The following ZNF335 variants were observed in gnomAD, a reference collection of about 807,000 sequenced individuals.
ZNF335 encodes the protein NRC-interacting factor 1.
ZNF335 carries 84 observed loss-of-function variants against 145.6 expected under a neutral mutation model. The observed-to-expected ratio is 0.58, with a 90% CI of 0.48 to 0.69. The LOEUF is 0.69. ZNF335 is among the 30% of genes least tolerant of loss of function. ZNF335 has a pLI of 0.00. For synonymous variants in ZNF335, 761 were observed against 717.0 expected (o/e 1.06, Z -0.98); for missense variants, 1,865 against 1,809.7 (o/e 1.03, Z -0.55).
At chr20:45,971,603 C>G (rs1182560520) in intron 1 of ZNF335, 143 bp from the exon 2 acceptor site, 6 of 1,435,550 alleles carry the variant, frequency 4.2e-6, no homozygotes, top group Non-Finnish European at 5.5e-6. Flanking sequence ...TGGTGTATTG[C>G]GAGGGGAGCT....
intron 16 of ZNF335, 63 bp downstream of exon 16, chr20:45,957,772 C>A: frequency 2.5e-6 from 4 of 1,604,668 alleles, no homozygotes; most frequent in Non-Finnish European, 2.6e-6. Context: ...ACCAGCACGA[C>A]CTGCCCCTGC....
chr20:45,949,137 C>T (rs748691846), intron 27 of ZNF335, 33 bp downstream of exon 27: 3 of 1,613,474 alleles, frequency 1.9e-6, no homozygotes, highest in Non-Finnish European at 1.7e-6. Context: ...GGTCCATACC[C>T]AGCCCCATGC....
rs1213888268 is a variant in ZNF335 at position 45,963,767 on chromosome 20, G to A, written c.1326C>T (p.Ser442=). ...GGTATTTCTTGCCTAGGAAGCGCCT[G>A]GAAGGTCGACCTCGGCGCCGGGGCA... ...DTLPRRRGRP[S]RRFLGKKYRK... The change falls in exon 8 of 28, where the codon TCC becomes TCT. Residue 442 remains serine, a synonymous_variant. Coordinates refer to ENST00000322927, the MANE Select transcript of ZNF335 (RefSeq NM_022095.4). 1 of 1,614,046 alleles carries A rather than the reference G, an allele frequency of 6.2e-7. No homozygotes were observed. The highest frequency in any genetic ancestry group is 8.5e-7 in the Non-Finnish European group (1 of 1,180,014).
At chr20:45,968,622 G>C (rs2084004176) in intron 3 of ZNF335, 1 of 428,944 alleles carries the variant, frequency 2.3e-6, no homozygotes, top group Admixed American at 3.5e-5. Context: ...CAGCTGCCCA[G>C]GCTTTGACCA....
In ZNF335 at chr20:45,969,659, G is replaced by T. The variant is rs139506216; in HGVS notation, c.234C>A (p.Asp78Glu). The change falls in exon 3 of 28, where the codon GAC becomes GAA. Residue 78 changes from aspartate (D) to glutamate (E), a missense_variant. By Grantham distance (45) the Asp-to-Glu change is conservative. Transcript: ENST00000322927. The part of the protein sequence containing the change: ...EEVSESSSSA[D>E]PLPNSYLPDS... Reference sequence around the variant, plus strand: ...CAGGGAGGTAGCTATTAGGCAGGGGGTCTGCGCTCGAGCTGCTCTCAGATA... The same window carrying T: ...CAGGGAGGTAGCTATTAGGCAGGGGTTCTGCGCTCGAGCTGCTCTCAGATA... 2.0e-4 allele frequency: 326 copies of T among 1,612,128 alleles called. 3 individuals are homozygous for T. The East Asian group carries it at 4.9e-3, about 24-fold the overall frequency.
At chr20:45,951,277 CA>C (rs2083626747) in intron 20 of ZNF335, among the ~76,000 whole-genome samples, 1 of 152,230 alleles carries the variant, frequency 6.6e-6, no homozygotes, top group Non-Finnish European at 1.5e-5. Flanking sequence ...CTTCCCTCTC[CA>C]ACCTCTGGAG....
rs1405864968 is a variant in ZNF335 at position 45,960,195 on chromosome 20, T to C, written c.2020+13A>G. 1 of 1,613,478 alleles carries C rather than the reference T, an allele frequency of 6.2e-7. No homozygotes were observed. Among genetic ancestry groups the C allele is most frequent in the African/African-American group, 1.3e-5 (1 of 74,914 alleles). On this transcript the variant is annotated intron_variant, in intron 14 of 27. Transcript: ENST00000322927. ...AGGGCTGGTGAGTGGGGCTGGGGTG[T>C]GTCCAGCCTGACCTGTGTGCTTGAC...
chr20:45,955,548 G>C (rs1241777360), intron 17 of ZNF335, among the ~76,000 whole-genome samples: 1 of 151,944 alleles, frequency 6.6e-6, no homozygotes, highest in African/African-American at 2.4e-5. Context: ...GCTGGGTACG[G>C]TGGCTCACAC....
chr20:45,952,876 T>C (rs2083660573), intron 18 of ZNF335, among the ~76,000 whole-genome samples, 167 bp from the exon 19 acceptor site: 1 of 152,186 alleles, frequency 6.6e-6, no homozygotes, highest in African/African-American at 2.4e-5. Context: ...CCCTCTACCA[T>C]GTCTCTTGTA....
Position 45,953,683 on chromosome 20 carries a change from T to G in ZNF335, c.2702+6A>C. 6.2e-7 allele frequency: 1 copy of G among 1,613,358 alleles called. No homozygotes were observed. The highest frequency in any genetic ancestry group is 8.5e-7 in the Non-Finnish European group (1 of 1,179,500). On this transcript the variant is annotated splice_donor_region_variant and intron_variant, in intron 18 of 27. Coordinates refer to ENST00000322927, the MANE Select transcript of ZNF335 (RefSeq NM_022095.4). The stretch of plus-strand genomic sequence containing the variant: ...TGAAAGGGGCCTTGCAGGCAGCAGG[T>G]CTCACCTGTAAGGTGTGCCAGGAGC...
chr20:45,968,982 T>A (rs1274382513), intron 3 of ZNF335: 1 of 155,870 alleles, frequency 6.4e-6, no homozygotes, highest in African/African-American at 2.4e-5. Context: ...TGCACTATGA[T>A]TGCACCACTG....
chr20:45,950,655 C>T (rs995888548), intron 20 of ZNF335, 60 bp from the exon 21 acceptor site: 75 of 1,591,124 alleles, frequency 4.7e-5, no homozygotes, highest in Admixed American at 6.8e-5. Flanking sequence ...AACAAATCCC[C>T]GGATCCCTGC....
intron 6 of ZNF335, 46 bp from the exon 7 acceptor site, chr20:45,965,820 C>A (rs369299750): frequency 3.2e-6 from 5 of 1,564,852 alleles, no homozygotes; most frequent in Non-Finnish European, 3.5e-6. Context: ...GCGGGACCTG[C>A]CCTTTCAGCC....
rs986986885 is a variant in ZNF335 at position 45,971,375 on chromosome 20, C to T, written c.36G>A (p.Ala12=). ...CCTCGGGCCGGCCAGGCCCAGGGGC[C>T]GCGTCGCTGCTGCTCTCCACCTCGT... ...EENEVESSSD[A]APGPGRPEEP... The change falls in exon 2 of 28, where the codon GCG becomes GCA. Residue 12 remains alanine (A), a synonymous_variant. Coordinates refer to ENST00000322927, the MANE Select transcript of ZNF335 (RefSeq NM_022095.4). 6.2e-7 allele frequency: 1 copy of T among 1,600,588 alleles called. No individual in the cohort carries two copies. The highest frequency in any genetic ancestry group is 8.5e-7 in the Non-Finnish European group (1 of 1,179,722).
Position 45,963,628 on chromosome 20 carries a change from G to A in ZNF335, c.1378C>T (p.Pro460Ser), listed in dbSNP as rs144850766. 5 of 1,614,114 alleles carry A rather than the reference G, an allele frequency of 3.1e-6. No individual in the cohort carries two copies. The highest frequency in any genetic ancestry group is 4.2e-6 in the Non-Finnish European group (5 of 1,180,050). Residue 460 changes from proline to serine, a missense_variant, in exon 9 of 28, where the codon CCA becomes TCA. Physicochemically the swap from Pro to Ser is moderately conservative, Grantham distance 74. Transcript: ENST00000322927. ...CGGCACAGGAAGGGCCTCAAAAGTG[G>A]TTTGGGCGACTTGTAATAGTACCTG... ...YRKYYYKSPK[P>S]LLRPFLCRIC...
chr20:45,971,727 G>A (rs1600556640), intron 1 of ZNF335: 6 of 985,354 alleles, frequency 6.1e-6, no homozygotes, highest in Non-Finnish European at 7.2e-6. Context: ...CTCGTGGAGC[G>A]TTCCGCTCTG....
chr20:45,949,537 T>C lies in ZNF335; in HGVS notation c.3701A>G (p.Gln1234Arg). ...AACATATTCCTGGGGGAGCAGGTGC[T>C]GGACACCATCCTGGGAGATGATATA... The part of the protein sequence containing the change: ...VQYIISQDGV[Q>R]HLLPQEYVVV... Residue 1234 changes from glutamine to arginine, a missense_variant, in exon 25 of 28, where the codon CAG becomes CGG. Transcript: ENST00000322927. 1 of 1,613,250 alleles carries C rather than the reference T, an allele frequency of 6.2e-7. No homozygotes were observed. The highest frequency in any genetic ancestry group is 8.5e-7 in the Non-Finnish European group (1 of 1,179,894).
At chr20:45,968,531 C>T (rs1335887933) in intron 3 of ZNF335, 169 bp from the exon 4 acceptor site, 2 of 579,964 alleles carry the variant, frequency 3.4e-6, no homozygotes, top group East Asian at 5.6e-5. Flanking sequence ...GTTGACTCCC[C>T]TGGCAGGGCT....
chr20:45,960,588 C>CT, intron 12 of ZNF335, 28 bp downstream of exon 12: 1 of 1,614,058 alleles, frequency 6.2e-7, no homozygotes, highest in African/African-American at 1.3e-5. Flanking sequence ...AGGCCCTCCT[C>CT]TCAGCCCCAG....
Sources: gnomAD v4.1 joint callset for allele counts (sites outside exome capture counted in the v4.1 genomes callset) on GRCh38, gnomAD v4.1.1 for gene constraint, MANE v1.5 for transcripts, NCBI Gene and HGNC (gene_info 2026-07-23, HGNC 2026-07-21) for gene names.